Variants in CAMTA1 observed in about 807,000 individuals in gnomAD.
CAMTA1 encodes calmodulin-binding transcription activator 1.
A neutral mutation model predicts 170.9 loss-of-function variants in CAMTA1; 27 were observed. The observed-to-expected ratio is 0.16, with a 90% CI of 0.12 to 0.22. The LOEUF (loss-of-function observed/expected upper bound fraction) is 0.22. CAMTA1 is among the 10% of genes least tolerant of loss of function. The pLI is 1.00. For synonymous variants in CAMTA1, 833 were observed against 891.5 expected, an observed-to-expected ratio of 0.93 and a Z score of 1.17; for missense variants, 1,619 against 2,217.2, an observed-to-expected ratio of 0.73 and a Z score of 5.42.
chr1:7,434,214 G>C (rs914179223), intron 5 of CAMTA1, among the ~76,000 whole-genome samples: 1 of 152,152 alleles, frequency 6.6e-6, no homozygotes, highest in Non-Finnish European at 1.5e-5. Flanking sequence ...AGAACTCTCT[G>C]CTCTTTCCCA....
intron 4 of CAMTA1, among the ~76,000 whole-genome samples, chr1:7,138,397 C>T (rs1268864565): frequency 1.3e-5 from 2 of 152,060 alleles, no homozygotes; most frequent in African/African-American, 2.4e-5. Flanking sequence ...TTTAATATTA[C>T]GTTTCAGAAA....
intron 22 of CAMTA1, among the ~76,000 whole-genome samples, chr1:7,766,041 A>AC (rs200313940): frequency 0.5 from 74,000 of 147,354 alleles, 19,538 homozygotes; most frequent in East Asian, 0.72. Flanking sequence ...AAAAAAAAAA[A>AC]AAAACTAAAT....
chr1:7,634,445 G>A lies in CAMTA1; in HGVS notation c.511-5955G>A, dbSNP rs1321058934. Reference sequence around the variant, plus strand: ...CATGGGAAGTCATGGGGATTTTGAGGCCTTCGAGGGGTGCCGTCAACAGGC... The same window carrying A: ...CATGGGAAGTCATGGGGATTTTGAGACCTTCGAGGGGTGCCGTCAACAGGC... On this transcript the variant is annotated intron_variant, in intron 6 of 22. Transcript: ENST00000303635. The surrounding 1 kb of genome is among the most constrained non-coding windows in gnomAD (Gnocchi z 6.2). Among the ~76,000 whole-genome samples, 1 of 152,054 alleles carries A rather than the reference G, an allele frequency of 6.6e-6. No homozygotes were observed. The highest frequency in any genetic ancestry group is 1.5e-5 in the Non-Finnish European group (1 of 68,008).
At chr1:6,856,391 A>G (rs1473483988) in intron 3 of CAMTA1, among the ~76,000 whole-genome samples, 1 of 128,672 alleles carries the variant, frequency 7.8e-6, no homozygotes, top group African/African-American at 3.0e-5. Flanking sequence ...TATTTTCTCT[A>G]TTCCAGACAA....
At chr1:7,707,658 T>C (rs561230710) in intron 11 of CAMTA1, among the ~76,000 whole-genome samples, 1 of 152,306 alleles carries the variant, frequency 6.6e-6, no homozygotes, top group Non-Finnish European at 1.5e-5. Context: ...ATCACAGGCG[T>C]GATGGTGGGA....
chr1:7,245,789 G>A (rs1181232714), intron 4 of CAMTA1, among the ~76,000 whole-genome samples: 9 of 152,106 alleles, frequency 5.9e-5, no homozygotes, highest in South Asian at 2.1e-4. Context: ...AGGAGATCCC[G>A]AGATGAAGAC....
At chr1:7,283,930 T>A (rs931116637) in intron 5 of CAMTA1, among the ~76,000 whole-genome samples, 28 of 152,130 alleles carry the variant, frequency 1.8e-4, no homozygotes, top group Non-Finnish European at 2.5e-4. Flanking sequence ...AGGGTGAGAT[T>A]TGTGGCTCTC....
Position 7,677,683 on chromosome 1 carries a change from G to A in CAMTA1, c.2864G>A (p.Arg955Gln), listed in dbSNP as rs756309527. 2.5e-6 allele frequency: 4 copies of A among 1,613,924 alleles called. No individual in the cohort carries two copies. The highest frequency in any genetic ancestry group is 1.3e-5 in the African/African-American group (1 of 74,910). Reference protein sequence around the residue: ...SNSVVFEYKARALPTLPSSQH... With the variant: ...SNSVVFEYKAQALPTLPSSQH... ...TCGGTGGTGTTTGAGTACAAAGCCC[G>A]GGCTCTGCCCACGCTCCCTTCCTCC... Residue 955 changes from arginine (R) to glutamine (Q), a missense_variant, in exon 11 of 23, where the codon CGG becomes CAG. Transcript: ENST00000303635.
chr1:7,643,890 AGTGT>A (rs61635726), intron 7 of CAMTA1, among the ~76,000 whole-genome samples: 32,843 of 151,996 alleles, frequency 0.22, 6,745 homozygotes, highest in African/African-American at 0.55. Flanking sequence ...GCACCAGCTA[AGTGT>A]GTGTGTCCGG....
At chr1:6,898,981 G>A (rs923487682) in intron 3 of CAMTA1, among the ~76,000 whole-genome samples, 2 of 152,112 alleles carry the variant, frequency 1.3e-5, no homozygotes, top group African/African-American at 4.8e-5. Context: ...ATGTACCTGA[G>A]TACCCACAAG....
chr1:7,327,248 C>CA (rs1045485039), intron 5 of CAMTA1, among the ~76,000 whole-genome samples: 3 of 150,784 alleles, frequency 2.0e-5, no homozygotes, highest in African/African-American at 4.9e-5. Flanking sequence ...ACTAAAAATA[C>CA]AAAAAAAATT....
At chr1:7,217,942 A>G (rs1311780506) in intron 4 of CAMTA1, among the ~76,000 whole-genome samples, 3 of 152,206 alleles carry the variant, frequency 2.0e-5, no homozygotes, top group African/African-American at 7.2e-5. Context: ...TCCTTTGCCA[A>G]AGAGTCCCTA....
In CAMTA1 at chr1:7,398,206, T is replaced by C. The variant is rs1353542330; in HGVS notation, c.439-69624T>C. ...CTCTCTCTCTCTCTATATATATATA[T>C]ATATATATATATATATATATATATA... On this transcript the variant is annotated intron_variant, in intron 5 of 22. Transcript: ENST00000303635. Among the ~76,000 whole-genome samples the C allele has an allele frequency of 1.1e-4, 7 of 66,608 alleles. No homozygotes were observed. In the East Asian group the frequency reaches 2.8e-3, roughly 27 times the overall value. The allele number at this position is 66,608 out of a possible 152,430, so 43.7% of individuals were successfully genotyped here.
chr1:7,445,142 G>C (rs928708329), intron 5 of CAMTA1, among the ~76,000 whole-genome samples: 11 of 151,860 alleles, frequency 7.2e-5, no homozygotes, highest in Non-Finnish European at 1.0e-4. Flanking sequence ...AGGTTTTGAG[G>C]ATACCCTGAA....
At chr1:7,188,709 G>A (rs1359134983) in intron 4 of CAMTA1, among the ~76,000 whole-genome samples, 1 of 152,178 alleles carries the variant, frequency 6.6e-6, no homozygotes, top group African/African-American at 2.4e-5. Context: ...CTGCTCATCT[G>A]TCAATGGAAA....
chr1:7,700,568 G>A (rs1380225001), intron 11 of CAMTA1: 1 of 152,204 alleles, frequency 6.6e-6, no homozygotes, highest in African/African-American at 2.4e-5. Context: ...ACAATTGCTA[G>A]GGAGGGCCCT....
Position 6,998,131 on chromosome 1 carries a change from G to A in CAMTA1, c.235-93173G>A, listed in dbSNP as rs528179809. ...CTCGCTCTGTCACCCAGGCTGGAGC[G>A]CAGTGGCACGGTCTTGGTTCACTGC... On this transcript the variant is annotated intron_variant, in intron 3 of 22. Transcript: ENST00000303635. Among the ~76,000 whole-genome samples, 104 of 152,134 alleles carry A rather than the reference G, an allele frequency of 6.8e-4. 1 individual carries two copies. The highest frequency in any genetic ancestry group is 5.6e-3 in the South Asian group (27 of 4,816).
At position 7,188,013 on chromosome 1, in the gene CAMTA1, A is replaced by G. The variant is rs1188784144; in HGVS notation, c.303-61478A>G. Among the ~76,000 whole-genome samples, 3 of 152,216 alleles carry G rather than the reference A, an allele frequency of 2.0e-5. No homozygotes were observed. The East Asian group carries it at 5.8e-4, about 29-fold the overall frequency. ...GCTGGGGAGGCCTCAGGAAACTTAC[A>G]ATCATGGTGGAAGCTAAGGGGAAAC... On this transcript the variant is annotated intron_variant, in intron 4 of 22. Coordinates refer to ENST00000303635, the MANE Select transcript of CAMTA1 (RefSeq NM_015215.4).
intron 1 of CAMTA1, among the ~76,000 whole-genome samples, chr1:6,815,975 T>A (rs1645762831): frequency 6.6e-6 from 1 of 152,188 alleles, no homozygotes; most frequent in South Asian, 2.1e-4. Flanking sequence ...TACAACTGTT[T>A]ATTTCAGTGG....
Sources: allele counts gnomAD v4.1 joint callset (sites outside exome capture counted in the v4.1 genomes callset), GRCh38; gene constraint gnomAD v4.1.1; non-coding constraint Gnocchi (gnomAD v3.1); transcripts MANE v1.5; gene names NCBI Gene and HGNC (gene_info 2026-07-23, HGNC 2026-07-21).